Variants in BCKDHB observed in about 807,000 individuals in gnomAD.
BCKDHB encodes 2-oxoisovalerate dehydrogenase subunit beta, mitochondrial.
A neutral mutation model predicts 48.5 loss-of-function variants in BCKDHB; 41 were observed. That is an observed-to-expected ratio of 0.85 (90% confidence interval 0.66 to 1.10). The LOEUF (loss-of-function observed/expected upper bound fraction) is 1.10. Ranked by LOEUF, BCKDHB falls within the 50% of genes least tolerant of loss-of-function variation. The probability of loss-of-function intolerance (pLI) is 0.00; values close to 1 mark genes in which losing one functional copy is unlikely to be tolerated. For synonymous variants in BCKDHB, 201 were observed against 174.8 expected, an observed-to-expected ratio of 1.15 and a Z score of -1.18; for missense variants, 496 against 494.2, an observed-to-expected ratio of 1.00 and a Z score of -0.03.
chr6:80,180,768 G>A (rs1773374374), intron 6 of BCKDHB, among the ~76,000 whole-genome samples: 1 of 152,112 alleles, frequency 6.6e-6, no homozygotes, highest in South Asian at 2.1e-4. Context: ...AATATTTTTT[G>A]CCAAGTATCA....
the BCKDHB span, among the ~76,000 whole-genome samples, chr6:80,395,180 G>A: frequency 2.6e-5 from 4 of 152,198 alleles, no homozygotes; most frequent in Non-Finnish European, 2.9e-5. Context: ...ACCCAAAAAT[G>A]TGGAAGCAAG....
the BCKDHB span, among the ~76,000 whole-genome samples, chr6:80,464,347 T>C: frequency 6.6e-6 from 1 of 152,044 alleles, no homozygotes; most frequent in African/African-American, 2.4e-5. Flanking sequence ...CAGGCTGGTG[T>C]TGAACTCCTT....
intron 8 of BCKDHB, among the ~76,000 whole-genome samples, chr6:80,227,275 G>A (rs1021446318): frequency 6.6e-6 from 1 of 152,194 alleles, no homozygotes; most frequent in African/African-American, 2.4e-5. Flanking sequence ...CCTGTAAGTT[G>A]TATTACAGCA....
At chr6:80,260,053 C>T (rs1278700709) in intron 8 of BCKDHB, among the ~76,000 whole-genome samples, 1 of 152,140 alleles carries the variant, frequency 6.6e-6, no homozygotes, top group Non-Finnish European at 1.5e-5. Context: ...CCTTTATTTT[C>T]TTCCTTTGCT....
chr6:80,408,579 T>C, the BCKDHB span, among the ~76,000 whole-genome samples: 1 of 152,174 alleles, frequency 6.6e-6, no homozygotes, highest in Admixed American at 6.5e-5. Flanking sequence ...CCTGGTTTAG[T>C]CTTGGGAGGT....
At chr6:80,207,029 G>A (rs1295953164) in intron 8 of BCKDHB, among the ~76,000 whole-genome samples, 1 of 151,906 alleles carries the variant, frequency 6.6e-6, no homozygotes, top group Non-Finnish European at 1.5e-5. Flanking sequence ...AATAGTTTAG[G>A]CAAACAGATA....
At chr6:80,149,499 G>C (rs557107515) in intron 3 of BCKDHB, among the ~76,000 whole-genome samples, 11 of 151,854 alleles carry the variant, frequency 7.2e-5, no homozygotes, top group African/African-American at 2.7e-4. Flanking sequence ...AAATCATGCT[G>C]CTATAAAGAC....
intron 9 of BCKDHB, among the ~76,000 whole-genome samples, chr6:80,288,579 T>C (rs1766744442): frequency 6.6e-6 from 1 of 152,082 alleles, no homozygotes; most frequent in South Asian, 2.1e-4. Flanking sequence ...GGACATGACT[T>C]CCTAAAGAAA....
chr6:80,286,544 G>A (rs1766635236), intron 9 of BCKDHB, among the ~76,000 whole-genome samples: 2 of 152,144 alleles, frequency 1.3e-5, no homozygotes, highest in African/African-American at 4.8e-5. Context: ...CTGACTACCA[G>A]CTATTGAATT....
At chr6:80,403,820 A>C in the BCKDHB span, among the ~76,000 whole-genome samples, 1,268 of 152,094 alleles carry the variant, frequency 8.3e-3, 18 homozygotes, top group African/African-American at 0.027. Flanking sequence ...CCTTTTCTGC[A>C]TATATTAAGA....
chr6:80,232,910 A>G (rs1442016781), intron 8 of BCKDHB, among the ~76,000 whole-genome samples: 1 of 151,956 alleles, frequency 6.6e-6, no homozygotes, highest in Non-Finnish European at 1.5e-5. Flanking sequence ...CATTATCTTC[A>G]TTTTCATTCA....
At chr6:80,157,590 G>A (rs371468396) in intron 3 of BCKDHB, among the ~76,000 whole-genome samples, 3 of 148,678 alleles carry the variant, frequency 2.0e-5, no homozygotes, top group African/African-American at 7.4e-5. Flanking sequence ...CTCAGCCTCC[G>A]AAGTAGCTGG....
In BCKDHB at chr6:80,208,523, A is replaced by G. The variant is rs942439542; in HGVS notation, c.951+5311A>G. Reference sequence around the variant, plus strand: ...AGAAATTTAATAAAGTAAAATTTAGATCTTTGAAGAGATTAATGTAATTGA... The same window carrying G: ...AGAAATTTAATAAAGTAAAATTTAGGTCTTTGAAGAGATTAATGTAATTGA... On this transcript the variant is annotated intron_variant, in intron 8 of 9. Coordinates refer to ENST00000320393, the MANE Select transcript of BCKDHB (RefSeq NM_183050.4). 4.6e-5 allele frequency among the ~76,000 whole-genome samples: 7 copies of G among 151,954 alleles called. No homozygotes were observed. In the East Asian group the frequency reaches 1.4e-3, roughly 29 times the overall value.
intron 9 of BCKDHB, among the ~76,000 whole-genome samples, chr6:80,341,986 T>C (rs3805849): frequency 9.5e-4 from 145 of 152,302 alleles, no homozygotes; most frequent in East Asian, 7.5e-3. Context: ...GTCCTAAAGT[T>C]GTTCGTGGAG....
chr6:80,297,267 C>G (rs535577700), intron 9 of BCKDHB, among the ~76,000 whole-genome samples: 1 of 152,210 alleles, frequency 6.6e-6, no homozygotes, highest in South Asian at 2.1e-4. Flanking sequence ...TAATTTGGAC[C>G]AAATGTTTAA....
At chr6:80,307,357 T>C (rs1767932399) in intron 9 of BCKDHB, 1 of 903,612 alleles carries the variant, frequency 1.1e-6, no homozygotes, top group African/African-American at 1.8e-5. Context: ...AATAGGAATG[T>C]AATAAATTGT....
chr6:80,378,225 C>T, the BCKDHB span, among the ~76,000 whole-genome samples: 1 of 152,086 alleles, frequency 6.6e-6, no homozygotes, highest in East Asian at 1.9e-4. Context: ...CAACCCTCAC[C>T]CTTCTCCCAT....
chr6:80,410,860 T>A, the BCKDHB span, among the ~76,000 whole-genome samples: 2 of 152,130 alleles, frequency 1.3e-5, no homozygotes, highest in Non-Finnish European at 2.9e-5. Context: ...TTTTTCAAGG[T>A]TTTTAGCTTC....
chr6:80,391,731 A>G, the BCKDHB span, among the ~76,000 whole-genome samples: 1 of 152,220 alleles, frequency 6.6e-6, no homozygotes, highest in African/African-American at 2.4e-5. Context: ...GCAGGAAAGA[A>G]TAAGAATGCT....
Sources: gnomAD v4.1 joint callset for allele counts (sites outside exome capture counted in the v4.1 genomes callset) on GRCh38, gnomAD v4.1.1 for gene constraint, MANE v1.5 for transcripts, NCBI Gene and HGNC (gene_info 2026-07-23, HGNC 2026-07-21) for gene names.